SNAP91: variants seen among roughly 807,000 people sequenced by gnomAD.
SNAP91 encodes clathrin coat assembly protein AP180.
SNAP91 carries 27 observed loss-of-function variants against 100.3 expected under a neutral mutation model. The ratio of observed to expected loss-of-function variants is 0.27; its 90% CI spans 0.20 to 0.37. SNAP91 has a LOEUF of 0.37. Among genes scored for constraint, SNAP91 ranks in the 10% least tolerant of loss-of-function variants. The pLI, the probability that SNAP91 is intolerant of heterozygous loss-of-function variation, is 1.00. For missense variants in SNAP91, 986 were observed against 1,123.7 expected (o/e 0.88, Z 1.75); for synonymous variants, 404 against 398.6 (o/e 1.01, Z -0.16).
intron 7 of SNAP91, among the ~76,000 whole-genome samples, chr6:83,647,694 A>AT (rs2097999382): frequency 6.6e-6 from 1 of 152,142 alleles, no homozygotes; most frequent in Admixed American, 6.6e-5. Flanking sequence ...ATTTATATAT[A>AT]ATATATTACA....
chr6:83,566,115 A>C (rs1796250789), intron 26 of SNAP91, among the ~76,000 whole-genome samples: 1 of 152,206 alleles, frequency 6.6e-6, no homozygotes, highest in South Asian at 2.1e-4. Context: ...TCAGCCATAA[A>C]AATGGAGTAC....
At chr6:83,640,820 C>A (rs1243918884) in intron 8 of SNAP91, among the ~76,000 whole-genome samples, 3 of 152,092 alleles carry the variant, frequency 2.0e-5, no homozygotes, top group Non-Finnish European at 4.4e-5. Context: ...GAATGGACCA[C>A]CTTGCAAAGC....
At chr6:83,658,542 G>C (rs1044541802) in intron 6 of SNAP91, among the ~76,000 whole-genome samples, 8 of 152,174 alleles carry the variant, frequency 5.3e-5, no homozygotes, top group African/African-American at 1.9e-4. Context: ...CCAGGAGGCA[G>C]AGCTTGTGAG....
chr6:83,708,303 G>A (rs1240541287), intron 1 of SNAP91: 5 of 200,838 alleles, frequency 2.5e-5, no homozygotes, highest in African/African-American at 7.1e-5. Context: ...TGCTGGACTA[G>A]CCACAACGTG....
At chr6:83,681,770 T>C (rs986177265) in intron 2 of SNAP91, among the ~76,000 whole-genome samples, 5 of 152,136 alleles carry the variant, frequency 3.3e-5, no homozygotes, top group African/African-American at 9.7e-5. Context: ...ACTCTGGACA[T>C]AATAAGCTGT....
intron 2 of SNAP91, among the ~76,000 whole-genome samples, chr6:83,667,684 C>T (rs928416181): frequency 2.0e-5 from 3 of 151,806 alleles, no homozygotes; most frequent in Admixed American, 6.6e-5. Flanking sequence ...ATGTGTACAA[C>T]GTGCAGGTTT....
At position 83,594,404 on chromosome 6, in the gene SNAP91, C is replaced by T. The variant is rs2094213391; in HGVS notation, c.1402G>A (p.Ala468Thr). 1 of 1,553,462 alleles carries T rather than the reference C, an allele frequency of 6.4e-7. No homozygotes were observed. The highest frequency in any genetic ancestry group is 1.4e-5 in the African/African-American group (1 of 73,268). ...CCTGAACATGCATCAAGTGCTGCTGCTACAGGGGTTGGGGTAGCTGGTGCG... is the reference window on the plus strand; with the variant it reads ...CCTGAACATGCATCAAGTGCTGCTGTTACAGGGGTTGGGGTAGCTGGTGCG... The part of the protein sequence containing the change: ...AAAPATPTPV[A>T]AALDACSGND... The change falls in exon 17 of 30, where the codon GCA becomes ACA. Residue 468 changes from alanine to threonine, a missense_variant. Physicochemically the swap from Ala to Thr is moderately conservative, Grantham distance 58 (BLOSUM62 0). Around this residue, in one of 4 missense-constraint regions of SNAP91, gnomAD observed 575 missense variants for 579.9 expected, o/e 0.99. Transcript: ENST00000369694.
Position 83,576,036 on chromosome 6 carries a change from T to A in SNAP91, c.2317A>T (p.Thr773Ser). ...SLVGNLGISGTTTKKGDLQWN... is the reference protein window; with the variant it reads ...SLVGNLGISGSTTKKGDLQWN... ...CCAAACACTTACTTTTTTGTTGTGG[T>A]ACCAGAAATTCCAAGATCTATAAAT... Residue 773 changes from threonine (T) to serine (S), a missense_variant, in exon 25 of 30, where the codon ACC (threonine) becomes TCC (serine). Physicochemically the swap from Thr to Ser is moderately conservative, Grantham distance 58. Transcript: ENST00000369694. 1 of 1,415,532 alleles carries A rather than the reference T, an allele frequency of 7.1e-7. No homozygotes were observed. Among genetic ancestry groups the A allele is most frequent in the Non-Finnish European group, 9.6e-7 (1 of 1,038,178 alleles). 87.7% of individuals were successfully genotyped at this position (1,415,532 alleles called of 1,614,324 possible).
chr6:83,559,383 C>T (rs1783704509), intron 28 of SNAP91, among the ~76,000 whole-genome samples: 1 of 152,168 alleles, frequency 6.6e-6, no homozygotes, highest in Non-Finnish European at 1.5e-5. Flanking sequence ...ATGATGATGT[C>T]CACAGGAGAA....
Position 83,593,981 on chromosome 6 carries a change from G to A in SNAP91, c.1433-240C>T, listed in dbSNP as rs567057481. Among the ~76,000 whole-genome samples, 46 of 152,270 alleles carry A rather than the reference G, an allele frequency of 3.0e-4. 1 individual carries two copies. The South Asian group carries it at 4.6e-3, about 15-fold the overall frequency. On this transcript the variant is annotated intron_variant, in intron 17 of 29. Transcript: ENST00000369694. Reference sequence around the variant, plus strand: ...AAACTAAAGCATTTTGCAAAGTGCCGTAAGATTAACCTACAGTCTAGGATC... The same window carrying A: ...AAACTAAAGCATTTTGCAAAGTGCCATAAGATTAACCTACAGTCTAGGATC...
At chr6:83,559,396 C>T (rs1267265389) in intron 28 of SNAP91, among the ~76,000 whole-genome samples, 1 of 152,178 alleles carries the variant, frequency 6.6e-6, no homozygotes, top group Non-Finnish European at 1.5e-5. Flanking sequence ...CAGGAGAACC[C>T]ACCTCTGAGG....
In SNAP91 at chr6:83,593,491, T is replaced by C. The variant is rs769973197; in HGVS notation, c.1683A>G (p.Leu561=). The change falls in exon 18 of 30, where the codon CTA becomes CTG. Residue 561 remains leucine, a synonymous_variant. Transcript: ENST00000369694. The stretch of plus-strand genomic sequence containing the variant: ...ACAAAAAATTACCACCAAAGATATC[T>C]AGAGCAGGAGGAGCAGTGGTGGCGG... ...AATATTAPPA[L]DIFGDLFEST... The C allele has an allele frequency of 4.5e-6, 7 of 1,551,112 alleles. No homozygotes were observed. In the South Asian group the frequency reaches 7.1e-5, roughly 16 times the overall value.
chr6:83,597,137 C>T (rs4706184), intron 16 of SNAP91, among the ~76,000 whole-genome samples: 2 of 151,890 alleles, frequency 1.3e-5, no homozygotes, highest in African/African-American at 4.8e-5. Flanking sequence ...CTCATCTACA[C>T]CTGTCAGAAA....
At chr6:83,676,074 G>T (rs1421701655) in intron 2 of SNAP91, among the ~76,000 whole-genome samples, 1 of 149,436 alleles carries the variant, frequency 6.7e-6, no homozygotes, top group African/African-American at 2.5e-5. Flanking sequence ...TTGCCTCACT[G>T]CACTCCAACT....
intron 10 of SNAP91, among the ~76,000 whole-genome samples, chr6:83,615,996 G>A (rs1265999981): frequency 2.0e-5 from 3 of 152,180 alleles, no homozygotes; most frequent in African/African-American, 7.2e-5. Context: ...ATCATCAACA[G>A]AGACAGATTC....
At chr6:83,694,178 G>C (rs1430169583) in intron 2 of SNAP91, among the ~76,000 whole-genome samples, 1 of 152,118 alleles carries the variant, frequency 6.6e-6, no homozygotes, top group Non-Finnish European at 1.5e-5. Flanking sequence ...TCTGCTCCTG[G>C]ACTCACAACT....
intron 2 of SNAP91, among the ~76,000 whole-genome samples, chr6:83,702,502 T>C (rs1341033299): frequency 6.6e-6 from 1 of 152,194 alleles, no homozygotes. Context: ...ACAACTAATG[T>C]GGCAATATAT....
rs2096521493 is a variant in SNAP91, at chr6:83,616,964, C to T, written c.878+5G>A. ...TCTTATTTAGAATATACAACTAATGCGTACTTGTTTCCAGGTTTCTTTCCT... is the reference window on the plus strand; with the variant it reads ...TCTTATTTAGAATATACAACTAATGTGTACTTGTTTCCAGGTTTCTTTCCT... On this transcript the variant is annotated splice_donor_5th_base_variant and intron_variant, in intron 10 of 29. Coordinates refer to ENST00000369694, the MANE Select transcript of SNAP91 (RefSeq NM_001242792.2). The T allele has an allele frequency of 6.6e-7, 1 of 1,524,114 alleles. No homozygotes were observed. The highest frequency in any genetic ancestry group is 8.9e-7 in the Non-Finnish European group (1 of 1,124,506). The allele number at this position is 1,524,114 out of a possible 1,614,324, so 94.4% of individuals were successfully genotyped here. A position where few individuals can be genotyped will look rare whatever the true frequency, so the allele number is the denominator to read the frequency against.
intron 22 of SNAP91, among the ~76,000 whole-genome samples, chr6:83,583,725 C>T (rs981199010): frequency 1.3e-5 from 2 of 152,096 alleles, no homozygotes; most frequent in African/African-American, 2.4e-5. Flanking sequence ...CTTGCAAAAA[C>T]AATGTTTCAA....
Sources: allele counts gnomAD v4.1 joint callset (sites outside exome capture counted in the v4.1 genomes callset), GRCh38; gene constraint gnomAD v4.1.1; regional missense constraint gnomAD v4.1.1; transcripts MANE v1.5; gene names NCBI Gene and HGNC (gene_info 2026-07-23, HGNC 2026-07-21).